The following RPS9 variants were observed in gnomAD, a reference collection of about 807,000 sequenced individuals.
The protein encoded by RPS9 is ribosomal protein S9.
In RPS9, 1 loss-of-function variant was observed where a neutral mutation model predicts 16.9. The observed-to-expected ratio is 0.06, with a 90% CI of 0.02 to 0.28. RPS9 has a LOEUF of 0.28. Among genes scored for constraint, RPS9 ranks in the 10% least tolerant of loss-of-function variants. The probability of loss-of-function intolerance (pLI) is 1.00; values close to 1 mark genes in which losing one functional copy is unlikely to be tolerated. For missense variants in RPS9, 137 were observed against 273.2 expected, an observed-to-expected ratio of 0.50 and a Z score of 3.51; for synonymous variants, 106 against 110.9, an observed-to-expected ratio of 0.96 and a Z score of 0.28.
rs1490582263 is a variant in RPS9, at chr19:54,203,064, C to G, written c.220+1455C>G. 6.1e-6 allele frequency: 6 copies of G among 985,206 alleles called. No individual in the cohort carries two copies. The African/African-American group carries it at 7.0e-5, about 11-fold the overall frequency. The allele number at this position is 985,206 out of a possible 1,614,324, so 61.0% of individuals were successfully genotyped here. On this transcript the variant is annotated intron_variant, in intron 3 of 4. Coordinates refer to ENST00000302907, the MANE Select transcript of RPS9 (RefSeq NM_001013.4). ...TCATGAAAGTGCTGGAGATCCCTCCCCCATAGATACTGATGCTGGGTGGGA... is the reference window on the plus strand; with the variant it reads ...TCATGAAAGTGCTGGAGATCCCTCCGCCATAGATACTGATGCTGGGTGGGA...
At chr19:54,206,603 T>G in intron 4 of RPS9, 141 bp downstream of exon 4, 1 of 1,552,046 alleles carries the variant, frequency 6.4e-7, no homozygotes, top group African/African-American at 1.4e-5. Context: ...GATTCACCCT[T>G]GCACACAGCT....
At position 54,206,714 on chromosome 19, in the gene RPS9, C is replaced by T. The variant is rs1272547583; in HGVS notation, c.407+252C>T. ...TGAAGGCCTCTGCCAGGCATGTGGG[C>T]AGCTGGACAGGTAACAGCTCTTGGT... On this transcript the variant is annotated intron_variant, in intron 4 of 4. Transcript: ENST00000302907. The T allele has an allele frequency of 5.3e-6, 8 of 1,500,792 alleles. No homozygotes were observed. The South Asian group carries it at 8.9e-5, about 17-fold the overall frequency. 93.0% of individuals were successfully genotyped at this position (1,500,792 alleles called of 1,614,324 possible).
At chr19:54,201,122 G>C in intron 1 of RPS9, 38 bp from the exon 2 acceptor site, 2 of 1,610,766 alleles carry the variant, frequency 1.2e-6, no homozygotes, top group Non-Finnish European at 1.7e-6. Context: ...CGCAGGCGCC[G>C]TTTGGATCCC....
intron 3 of RPS9, among the ~76,000 whole-genome samples, 200 bp from the exon 4 acceptor site, chr19:54,206,076 A>G (rs3852890): frequency 0.26 from 40,148 of 152,194 alleles, 6,583 homozygotes; most frequent in East Asian, 0.49. Context: ...TCGGACTCCC[A>G]AAGTGCTGGG....
rs767489251 is a variant in RPS9 at position 54,201,141 on chromosome 19, A to G, written c.-25-19A>G. 10 of 1,612,082 alleles carry G rather than the reference A, an allele frequency of 6.2e-6. No individual in the cohort carries two copies. Among genetic ancestry groups the G allele is most frequent in the Admixed American group, 5.0e-5 (3 of 59,974 alleles). The stretch of plus-strand genomic sequence containing the variant: ...GGCGCCGTTTGGATCCCTTACGCTC[A>G]CACTTCTCTCCCGCGCAGGCGCAGA... On this transcript the variant is annotated intron_variant, in intron 1 of 4. Transcript: ENST00000302907.
At position 54,200,907 on chromosome 19, in the gene RPS9, C is replaced by T; in HGVS notation, c.-26+19C>T. On this transcript the variant is annotated intron_variant, in intron 1 of 4. Coordinates refer to ENST00000302907, the MANE Select transcript of RPS9 (RefSeq NM_001013.4). ...TGCTTAGGTGAGGTGCGGTGGTGTG[C>T]TTTTTCTCTAGGGTTTGGGTTGGAT... The T allele has an allele frequency of 1.7e-6, 2 of 1,185,120 alleles. No homozygotes were observed. The highest frequency in any genetic ancestry group is 3.6e-5 in the South Asian group (2 of 55,548). 73.4% of individuals were successfully genotyped at this position (1,185,120 alleles called of 1,614,324 possible). A position where few individuals can be genotyped will look rare whatever the true frequency, so the allele number is the denominator to read the frequency against.
At chr19:54,200,969 A>G (rs1421159583) in intron 1 of RPS9, 81 bp downstream of exon 1, 12 of 1,424,564 alleles carry the variant, frequency 8.4e-6, no homozygotes, top group Non-Finnish European at 1.1e-5. Flanking sequence ...TGAGTAAGCT[A>G]AAGACGTTAG....
chr19:54,205,724 T>G (rs1426734866), intron 3 of RPS9, among the ~76,000 whole-genome samples: 1 of 152,188 alleles, frequency 6.6e-6, no homozygotes, highest in Non-Finnish European at 1.5e-5. Context: ...GAGGGATGTA[T>G]GCTCTCAGAT....
Position 54,201,171 on chromosome 19 carries a change from G to T in RPS9, c.-14G>T, listed in dbSNP as rs1270878301. The T allele has an allele frequency of 1.3e-6, 2 of 1,599,318 alleles. No homozygotes were observed. The highest frequency in any genetic ancestry group is 8.6e-7 in the Non-Finnish European group (1 of 1,167,656). On this transcript the variant is annotated 5_prime_UTR_variant, in exon 2 of 5. Transcript: ENST00000302907. ...TCTCTCCCGCGCAGGCGCAGACGGGGAAGCGGAGCCAACATGCCAGTGGCC... is the reference window on the plus strand; with the variant it reads ...TCTCTCCCGCGCAGGCGCAGACGGGTAAGCGGAGCCAACATGCCAGTGGCC...
chr19:54,205,811 T>A lies in RPS9; in HGVS notation c.221-465T>A, dbSNP rs2077220879. Among the ~76,000 whole-genome samples, 8 of 152,270 alleles carry A rather than the reference T, an allele frequency of 5.3e-5. No individual in the cohort carries two copies. In the South Asian group the frequency reaches 1.7e-3, roughly 32 times the overall value. On this transcript the variant is annotated intron_variant, in intron 3 of 4. Coordinates refer to ENST00000302907, the MANE Select transcript of RPS9 (RefSeq NM_001013.4). The stretch of plus-strand genomic sequence containing the variant: ...ATGACCTGACAACCATAGGGTAGTT[T>A]GGTTTTTTGTATTGTTTTGTTTTGT...
At position 54,200,900 on chromosome 19, in the gene RPS9, T is replaced by G; in HGVS notation, c.-26+12T>G. ...GGTGGTTTGCTTAGGTGAGGTGCGGTGGTGTGCTTTTTCTCTAGGGTTTGG... is the reference window on the plus strand; with the variant it reads ...GGTGGTTTGCTTAGGTGAGGTGCGGGGGTGTGCTTTTTCTCTAGGGTTTGG... On this transcript the variant is annotated intron_variant, in intron 1 of 4. Coordinates refer to ENST00000302907, the MANE Select transcript of RPS9 (RefSeq NM_001013.4). 3.3e-6 allele frequency: 4 copies of G among 1,194,938 alleles called. No homozygotes were observed. The highest frequency in any genetic ancestry group is 3.2e-6 in the Non-Finnish European group (3 of 952,186). The allele number at this position is 1,194,938 out of a possible 1,614,324, so 74.0% of individuals were successfully genotyped here. A position where few individuals can be genotyped will look rare whatever the true frequency, so the allele number is the denominator to read the frequency against.
chr19:54,203,264 A>G (rs1479227957), intron 3 of RPS9: 1 of 985,142 alleles, frequency 1.0e-6, no homozygotes. Flanking sequence ...CAAGGGGTAC[A>G]CAGTTGTTCA....
In RPS9 at chr19:54,205,099, A is replaced by T. The variant is rs576852377; in HGVS notation, c.221-1177A>T. Reference sequence around the variant, plus strand: ...AAAGCTTGCTTGAATGGTTTGCTGTAACTAGTAAGAGCCACTTTTTATAAA... The same window carrying T: ...AAAGCTTGCTTGAATGGTTTGCTGTTACTAGTAAGAGCCACTTTTTATAAA... On this transcript the variant is annotated intron_variant, in intron 3 of 4. Transcript: ENST00000302907. 5.9e-5 allele frequency among the ~76,000 whole-genome samples: 9 copies of T among 152,296 alleles called. No homozygotes were observed. In the South Asian group the frequency reaches 1.9e-3, roughly 32 times the overall value.
At position 54,204,164 on chromosome 19, in the gene RPS9, G is replaced by A. The variant is rs561117032; in HGVS notation, c.221-2112G>A. On this transcript the variant is annotated intron_variant, in intron 3 of 4. Transcript: ENST00000302907. Reference sequence around the variant, plus strand: ...GGAGGCAGAGGCAGGCGGATCACCCGAGGTCGGGAGTTTGAGACTAGCCTG... The same window carrying A: ...GGAGGCAGAGGCAGGCGGATCACCCAAGGTCGGGAGTTTGAGACTAGCCTG... 3.1e-4 allele frequency among the ~76,000 whole-genome samples: 47 copies of A among 152,200 alleles called. 2 individuals are homozygous for A. In the South Asian group the frequency reaches 5.2e-3, roughly 17 times the overall value.
In RPS9 at chr19:54,201,493, A is replaced by T. The variant is rs1371925089; in HGVS notation, c.104A>T (p.Tyr35Phe). 6.2e-7 allele frequency: 1 copy of T among 1,613,866 alleles called. No individual in the cohort carries two copies. Among genetic ancestry groups the T allele is most frequent in the African/African-American group, 1.3e-5 (1 of 74,878 alleles). ...LDQELKLIGEYGLRNKREVWR... is the reference protein window; with the variant it reads ...LDQELKLIGEFGLRNKREVWR... ...ACCCCCTTCTCCCCACCAGGCGAGT[A>T]TGGGCTCCGGAACAAACGTGAGGTC... The change falls in exon 3 of 5, where the codon TAT becomes TTT. Residue 35 changes from tyrosine to phenylalanine, a missense_variant. Around this residue, in one of 3 missense-constraint regions of RPS9, gnomAD observed 64 missense variants for 164.0 expected, o/e 0.39. Transcript: ENST00000302907.
intron 3 of RPS9, chr19:54,202,652 CAGATTGGCATGACCA>C: frequency 1.0e-6 from 1 of 985,404 alleles, no homozygotes; most frequent in South Asian, 4.7e-5. Context: ...CTTTCTACAG[CAGATTGGCATGACCA>C]AGATTGGCAT....
intron 3 of RPS9, chr19:54,203,297 T>G: frequency 1.0e-6 from 1 of 985,350 alleles, no homozygotes; most frequent in Non-Finnish European, 1.2e-6. Flanking sequence ...TTCTAGTAAA[T>G]GAAGCCATCT....
In RPS9 at chr19:54,200,883, G is replaced by C. The variant is rs943105314; in HGVS notation, c.-31G>C. The stretch of plus-strand genomic sequence containing the variant: ...CTCTTTCTCAGTGACCGGGTGGTTT[G>C]CTTAGGTGAGGTGCGGTGGTGTGCT... On this transcript the variant is annotated 5_prime_UTR_variant, in exon 1 of 5. Transcript: ENST00000302907. 4 of 1,144,262 alleles carry C rather than the reference G, an allele frequency of 3.5e-6. No individual in the cohort carries two copies. Among genetic ancestry groups the C allele is most frequent in the Non-Finnish European group, 2.2e-6 (2 of 924,598 alleles). The allele number at this position is 1,144,262 out of a possible 1,614,324, so 70.9% of individuals were successfully genotyped here.
intron 3 of RPS9, among the ~76,000 whole-genome samples, chr19:54,206,014 C>T (rs3889084): frequency 0.31 from 46,562 of 152,132 alleles, 8,404 homozygotes; most frequent in East Asian, 0.43. Context: ...GACGGGCTTT[C>T]GCCATGTTGG....
Sources: gnomAD v4.1 joint callset for allele counts (sites outside exome capture counted in the v4.1 genomes callset) on GRCh38, gnomAD v4.1.1 for gene constraint, gnomAD v4.1.1 regional missense constraint, MANE v1.5 for transcripts, NCBI Gene and HGNC (gene_info 2026-07-23, HGNC 2026-07-21) for gene names.